Variants in CALN1 observed in about 807,000 individuals in gnomAD.
The protein encoded by CALN1 is calcium-binding protein 8.
Under a neutral mutation model 30.6 loss-of-function variants are expected in CALN1, and 17 were observed. The ratio of observed to expected loss-of-function variants is 0.56; its 90% CI spans 0.38 to 0.83. CALN1 has a LOEUF of 0.83. Among genes scored for constraint, CALN1 ranks in the 40% least tolerant of loss-of-function variants. CALN1 has a pLI of 0.00. For synonymous variants in CALN1, 156 were observed against 131.4 expected (o/e 1.19, Z -1.28); for missense variants, 291 against 354.9 (o/e 0.82, Z 1.45).
intron 5 of CALN1, among the ~76,000 whole-genome samples, chr7:71,882,954 A>G (rs1792673535): frequency 6.6e-6 from 1 of 151,160 alleles, no homozygotes; most frequent in Admixed American, 6.6e-5. Flanking sequence ...GCTTCAAGCA[A>G]TCCCTCCACC....
intron 5 of CALN1, among the ~76,000 whole-genome samples, chr7:71,812,947 T>C (rs1452082212): frequency 6.7e-6 from 1 of 149,082 alleles, no homozygotes; most frequent in Non-Finnish European, 1.5e-5. Context: ...TTATTATTAT[T>C]ATTATTATTA....
At chr7:72,489,244 C>G in the CALN1 span, among the ~76,000 whole-genome samples, 2 of 152,210 alleles carry the variant, frequency 1.3e-5, no homozygotes, top group South Asian at 2.1e-4. Context: ...AAATCATTCT[C>G]CCTTGACCAA....
At chr7:72,084,320 CT>C (rs1805341115) in intron 4 of CALN1, among the ~76,000 whole-genome samples, 1 of 152,136 alleles carries the variant, frequency 6.6e-6, no homozygotes, top group Non-Finnish European at 1.5e-5. Context: ...AAACTAATTT[CT>C]AATGGCTCAC....
intron 2 of CALN1, among the ~76,000 whole-genome samples, chr7:72,288,167 G>A (rs974592192): frequency 4.6e-5 from 7 of 152,104 alleles, no homozygotes; most frequent in African/African-American, 1.7e-4. Flanking sequence ...CCTGACCGGG[G>A]CTGGAGGATC....
chr7:72,502,052 T>C, the CALN1 span, among the ~76,000 whole-genome samples: 1 of 147,072 alleles, frequency 6.8e-6, no homozygotes, highest in Admixed American at 6.9e-5. Context: ...TTAGAAAGAC[T>C]TTTTAATTAT....
At chr7:72,224,547 G>A (rs932961654) in intron 3 of CALN1, among the ~76,000 whole-genome samples, 1 of 152,112 alleles carries the variant, frequency 6.6e-6, no homozygotes, top group African/African-American at 2.4e-5. Context: ...ACTTTGGGAG[G>A]CCAAGGCAGG....
chr7:72,424,024 G>C (rs1483520970), intron 1 of CALN1, among the ~76,000 whole-genome samples: 1 of 144,714 alleles, frequency 6.9e-6, no homozygotes, highest in African/African-American at 2.7e-5. Flanking sequence ...GGAGGGAGGA[G>C]GGGAAGGAAG....
intron 5 of CALN1, among the ~76,000 whole-genome samples, chr7:71,982,906 A>G (rs1490707192): frequency 6.6e-6 from 1 of 152,222 alleles, no homozygotes; most frequent in Non-Finnish European, 1.5e-5. Context: ...GGCATGTCCA[A>G]CATGGCGGCT....
intron 4 of CALN1, among the ~76,000 whole-genome samples, chr7:72,043,939 G>A (rs1802293528): frequency 6.6e-6 from 1 of 152,182 alleles, no homozygotes; most frequent in Non-Finnish European, 1.5e-5. Flanking sequence ...GGCAGGCAAA[G>A]GAGAGGGCTT....
Position 72,314,388 on chromosome 7 carries a change from T to TATATATACAC in CALN1, c.120-35588_120-35579dup, listed in dbSNP as rs1026476207. On this transcript the variant is annotated intron_variant, in intron 2 of 6. Coordinates refer to ENST00000395275, the MANE Select transcript of CALN1 (RefSeq NM_031468.4). ...ATACATATATACACATATATACACA[T>TATATATACAC]ATATATACACATATATACACATATA... 4.2e-5 allele frequency among the ~76,000 whole-genome samples: 6 copies of TATATATACAC among 143,786 alleles called. No individual in the cohort carries two copies. The East Asian group carries it at 9.8e-4, about 23-fold the overall frequency. The allele number at this position is 143,786 out of a possible 152,430, so 94.3% of individuals were successfully genotyped here.
Position 71,784,333 on chromosome 7 carries a change from C to G in CALN1, c.*3442G>C, listed in dbSNP as rs1792872247. 1 of 152,560 alleles carries G rather than the reference C, an allele frequency of 6.6e-6. No homozygotes were observed. The highest frequency in any genetic ancestry group is 2.4e-5 in the African/African-American group (1 of 41,480). 9.5% of individuals were successfully genotyped at this position (152,560 alleles called of 1,614,324 possible). A position where few individuals can be genotyped will look rare whatever the true frequency, so the allele number is the denominator to read the frequency against. ...CAGATGCAGAGAGTCAGGTTGCACTCAGGCTGAATTGGAGTGTTCTTTAAG... is the reference window on the plus strand; with the variant it reads ...CAGATGCAGAGAGTCAGGTTGCACTGAGGCTGAATTGGAGTGTTCTTTAAG... On this transcript the variant is annotated 3_prime_UTR_variant, in exon 7 of 7. Transcript: ENST00000395275.
intron 3 of CALN1, among the ~76,000 whole-genome samples, chr7:72,106,525 G>A (rs1012200599): frequency 2.0e-5 from 3 of 149,360 alleles, no homozygotes; most frequent in Admixed American, 1.3e-4. Flanking sequence ...AAGGGAAAAT[G>A]AGAGAGGAAG....
At position 72,286,577 on chromosome 7, in the gene CALN1, T is replaced by C. The variant is rs143729052; in HGVS notation, c.120-7767A>G. Reference sequence around the variant, plus strand: ...CAGCTACATGGTGGGCACAAGAAGATCTCATCTTACTCCAGCAAAGATGCT... The same window carrying C: ...CAGCTACATGGTGGGCACAAGAAGACCTCATCTTACTCCAGCAAAGATGCT... On this transcript the variant is annotated intron_variant, in intron 2 of 6. Transcript: ENST00000395275. Among the ~76,000 whole-genome samples the C allele has an allele frequency of 1.4e-4, 21 of 152,306 alleles. No individual in the cohort carries two copies. In the East Asian group the frequency reaches 4.0e-3, roughly 29 times the overall value.
chr7:71,812,872 T>C (rs764665644), intron 5 of CALN1, among the ~76,000 whole-genome samples: 29 of 151,636 alleles, frequency 1.9e-4, no homozygotes, highest in Non-Finnish European at 2.8e-4. Flanking sequence ...TCCTCCTAAG[T>C]AGTTAGGATG....
chr7:72,307,227 A>G (rs1799715391), intron 2 of CALN1, among the ~76,000 whole-genome samples: 1 of 152,246 alleles, frequency 6.6e-6, no homozygotes, highest in South Asian at 2.1e-4. Context: ...TTAACATAAA[A>G]TGAATAGTAT....
At chr7:72,090,822 G>A (rs974078897) in intron 4 of CALN1, among the ~76,000 whole-genome samples, 1 of 152,154 alleles carries the variant, frequency 6.6e-6, no homozygotes, top group Non-Finnish European at 1.5e-5. Context: ...CAAGCCAAGT[G>A]CAGAAAGACA....
intron 1 of CALN1, among the ~76,000 whole-genome samples, chr7:72,406,035 T>C (rs980204058): frequency 5.9e-5 from 9 of 152,140 alleles, no homozygotes; most frequent in Non-Finnish European, 1.2e-4. Context: ...CAGCTCCCCG[T>C]AAGGAACAAT....
At chr7:72,294,384 A>G (rs1798705554) in intron 2 of CALN1, among the ~76,000 whole-genome samples, 1 of 152,218 alleles carries the variant, frequency 6.6e-6, no homozygotes, top group Middle Eastern at 3.2e-3. Flanking sequence ...GTAAAATTCA[A>G]AATGATAGCA....
At chr7:72,357,814 ATATT>A (rs1205512452) in intron 2 of CALN1, among the ~76,000 whole-genome samples, 1 of 147,324 alleles carries the variant, frequency 6.8e-6, no homozygotes, top group Non-Finnish European at 1.5e-5. Context: ...TTTATTTTAT[ATATT>A]TATATATATT....
Sources: gnomAD v4.1 joint callset for allele counts (sites outside exome capture counted in the v4.1 genomes callset) on GRCh38, gnomAD v4.1.1 for gene constraint, MANE v1.5 for transcripts, NCBI Gene and HGNC (gene_info 2026-07-23, HGNC 2026-07-21) for gene names.